The following SNAP29 variants were observed in gnomAD, a reference collection of about 807,000 sequenced individuals.
SNAP29 encodes synaptosome associated protein 29, also known as synaptosomal-associated protein 29.
A neutral mutation model predicts 27.9 loss-of-function variants in SNAP29; 13 were observed. The observed-to-expected ratio is 0.47, with a 90% CI of 0.30 to 0.74. The LOEUF (loss-of-function observed/expected upper bound fraction) is 0.74. SNAP29 is among the 30% of genes least tolerant of loss of function. SNAP29 has a pLI of 0.06. For synonymous variants in SNAP29, 119 were observed against 127.1 expected, an observed-to-expected ratio of 0.94 and a Z score of 0.43; for missense variants, 368 against 336.5, an observed-to-expected ratio of 1.09 and a Z score of -0.73.
chr22:20,882,308 G>A (rs1478176678), intron 3 of SNAP29, among the ~76,000 whole-genome samples: 2 of 151,688 alleles, frequency 1.3e-5, no homozygotes, highest in Non-Finnish European at 2.9e-5. Context: ...TGGACAAGGT[G>A]TGCAAGACAG....
intron 1 of SNAP29, among the ~76,000 whole-genome samples, chr22:20,865,970 T>C (rs1928448951): frequency 6.6e-6 from 1 of 152,240 alleles, no homozygotes; most frequent in Non-Finnish European, 1.5e-5. Context: ...TGATAACGTG[T>C]AGCCCAAGGC....
chr22:20,859,690 CCGTTT>C, intron 1 of SNAP29: 1 of 353,212 alleles, frequency 2.8e-6, no homozygotes, highest in South Asian at 3.1e-5. Flanking sequence ...AATGGAGAGT[CCGTTT>C]CTTCGACATT....
At chr22:20,883,360 A>C (rs1378586190) in intron 3 of SNAP29, 111 bp from the exon 4 acceptor site, 3 of 752,056 alleles carry the variant, frequency 4.0e-6, no homozygotes, top group African/African-American at 3.4e-5. Flanking sequence ...CTCAGAACCA[A>C]CCCCTTCGTT....
At chr22:20,874,307 GACACACACAGAC>G (rs1370492309) in intron 2 of SNAP29, among the ~76,000 whole-genome samples, 50 of 117,686 alleles carry the variant, frequency 4.2e-4, no homozygotes, top group African/African-American at 1.7e-3. Context: ...GACACACACA[GACACACACAGAC>G]ACACACACAC....
rs1928898539 is a variant in SNAP29, at chr22:20,881,797, C to T, written c.520+663C>T. The stretch of plus-strand genomic sequence containing the variant: ...TAAAAAGCCAACTGCAGAAAAACCC[C>T]TTGGTAAATAGAATACTGGCCCCTC... On this transcript the variant is annotated intron_variant, in intron 3 of 4. Coordinates refer to ENST00000215730, the MANE Select transcript of SNAP29 (RefSeq NM_004782.4). 2.6e-5 allele frequency among the ~76,000 whole-genome samples: 4 copies of T among 152,206 alleles called. No individual in the cohort carries two copies. In the South Asian group the frequency reaches 8.3e-4, roughly 31 times the overall value.
At chr22:20,877,471 G>A (rs943705502) in intron 2 of SNAP29, among the ~76,000 whole-genome samples, 34 of 152,108 alleles carry the variant, frequency 2.2e-4, no homozygotes, top group African/African-American at 7.9e-4. Flanking sequence ...CAGGAGAATC[G>A]CTTGAACCAG....
At position 20,877,718 on chromosome 22, in the gene SNAP29, A is replaced by AAAAAG. The variant is rs1452672826; in HGVS notation, c.435-3326_435-3322dup. ...GAGACAGAGCTAGACTCCGTCTCAA[A>AAAAAG]AAAAGAAAAAGAAAAAAATTGGCTT... On this transcript the variant is annotated intron_variant, in intron 2 of 4. Transcript: ENST00000215730. Among the ~76,000 whole-genome samples, 21 of 152,308 alleles carry AAAAAG rather than the reference A, an allele frequency of 1.4e-4. No individual in the cohort carries two copies. The East Asian group carries it at 2.9e-3, about 21-fold the overall frequency.
chr22:20,873,630 A>G (rs1569117680), intron 2 of SNAP29, among the ~76,000 whole-genome samples: 1 of 151,714 alleles, frequency 6.6e-6, no homozygotes, highest in East Asian at 2.0e-4. Context: ...GGATCACTTG[A>G]TCCCAGCCTG....
At chr22:20,871,919 G>C (rs931217930) in intron 2 of SNAP29, among the ~76,000 whole-genome samples, 10 of 152,030 alleles carry the variant, frequency 6.6e-5, no homozygotes, top group Non-Finnish European at 1.3e-4. Context: ...GTAGACTTCA[G>C]TGTTACATGT....
chr22:20,888,430 C>A lies in SNAP29; in HGVS notation c.*594C>A. On this transcript the variant is annotated 3_prime_UTR_variant, in exon 5 of 5. Transcript: ENST00000215730. Reference sequence around the variant, plus strand: ...GTGTTAGAATGGGAAATAGAGTGTGCCATCTTGCTCTTTTGTTGGCAGATG... The same window carrying A: ...GTGTTAGAATGGGAAATAGAGTGTGACATCTTGCTCTTTTGTTGGCAGATG... The A allele has an allele frequency of 6.0e-6, 1 of 167,668 alleles. No homozygotes were observed. Among genetic ancestry groups the A allele is most frequent in the Non-Finnish European group, 1.3e-5 (1 of 77,442 alleles). The allele number at this position is 167,668 out of a possible 1,614,324, so 10.4% of individuals were successfully genotyped here.
intron 2 of SNAP29, among the ~76,000 whole-genome samples, chr22:20,876,773 T>C (rs1928756592): frequency 6.6e-6 from 1 of 152,124 alleles, no homozygotes; most frequent in Admixed American, 6.6e-5. Context: ...GGTTTCACCA[T>C]GTTAGCCAGG....
chr22:20,880,918 G>T, intron 2 of SNAP29, 131 bp from the exon 3 acceptor site: 1 of 666,572 alleles, frequency 1.5e-6, no homozygotes, highest in Non-Finnish European at 2.7e-6. Context: ...CCCTACTTTG[G>T]TCAGAAGGAG....
Position 20,870,503 on chromosome 22 carries a change from A to G in SNAP29, c.404A>G (p.Asn135Ser). 6.2e-7 allele frequency: 1 copy of G among 1,614,134 alleles called. No individual in the cohort carries two copies. The highest frequency in any genetic ancestry group is 1.3e-5 in the African/African-American group (1 of 75,032). The change falls in exon 2 of 5, where the codon AAT becomes AGT. Residue 135 changes from asparagine (N) to serine (S), a missense_variant. Physicochemically the swap from Asn to Ser is conservative, Grantham distance 46 (BLOSUM62 1). Coordinates refer to ENST00000215730, the MANE Select transcript of SNAP29 (RefSeq NM_004782.4). ...CCAGTAGAGACCCCACCTGAACAGA[A>G]TGGCACCCTCACCTCCCAGCCCAAC... ...SKPVETPPEQ[N>S]GTLTSQPNNR...
chr22:20,889,971 A>G lies in SNAP29; in HGVS notation c.*2135A>G. 3.4e-6 allele frequency: 1 copy of G among 295,200 alleles called. No homozygotes were observed. Among genetic ancestry groups the G allele is most frequent in the Non-Finnish European group, 6.2e-6 (1 of 161,640 alleles). 18.3% of individuals were successfully genotyped at this position (295,200 alleles called of 1,614,324 possible). On this transcript the variant is annotated 3_prime_UTR_variant, in exon 5 of 5. Transcript: ENST00000215730. Reference sequence around the variant, plus strand: ...GGTTTTTTTTTTCTTAACCCCAGGTATATGGAAGGGGAGTTGCCTTCACTT... The same window carrying G: ...GGTTTTTTTTTTCTTAACCCCAGGTGTATGGAAGGGGAGTTGCCTTCACTT...
At chr22:20,880,375 A>T (rs114363774) in intron 2 of SNAP29, among the ~76,000 whole-genome samples, 1 of 151,900 alleles carries the variant, frequency 6.6e-6, no homozygotes, top group Non-Finnish European at 1.5e-5. Flanking sequence ...GCACCTGCCT[A>T]TAACTGTAAT....
chr22:20,878,569 C>G (rs1601652245), intron 2 of SNAP29, among the ~76,000 whole-genome samples: 1 of 151,410 alleles, frequency 6.6e-6, no homozygotes, highest in Non-Finnish European at 1.5e-5. Flanking sequence ...CAGAGCGAGA[C>G]TATGTCTCAA....
At position 20,889,997 on chromosome 22, in the gene SNAP29, T is replaced by C. The variant is rs1421265406; in HGVS notation, c.*2161T>C. On this transcript the variant is annotated 3_prime_UTR_variant, in exon 5 of 5. Coordinates refer to ENST00000215730, the MANE Select transcript of SNAP29 (RefSeq NM_004782.4). Reference sequence around the variant, plus strand: ...TATGGAAGGGGAGTTGCCTTCACTTTTCTGGAAATTTGTCTTCGTCTGACA... The same window carrying C: ...TATGGAAGGGGAGTTGCCTTCACTTCTCTGGAAATTTGTCTTCGTCTGACA... 5.8e-6 allele frequency: 2 copies of C among 342,836 alleles called. No individual in the cohort carries two copies. Among genetic ancestry groups the C allele is most frequent in the African/African-American group, 4.2e-5 (2 of 47,538 alleles). 21.2% of individuals were successfully genotyped at this position (342,836 alleles called of 1,614,324 possible). A position where few individuals can be genotyped will look rare whatever the true frequency, so the allele number is the denominator to read the frequency against.
chr22:20,888,204 A>G lies in SNAP29; in HGVS notation c.*368A>G, dbSNP rs1159319718. 1.2e-5 allele frequency: 4 copies of G among 344,924 alleles called. No individual in the cohort carries two copies. Among genetic ancestry groups the G allele is most frequent in the Non-Finnish European group, 2.2e-5 (4 of 179,086 alleles). 21.4% of individuals were successfully genotyped at this position (344,924 alleles called of 1,614,324 possible). A position where few individuals can be genotyped will look rare whatever the true frequency, so the allele number is the denominator to read the frequency against. The stretch of plus-strand genomic sequence containing the variant: ...TTCAGTCTTGCAGCCATGAGCCTCT[A>G]TTTCTCATTCCTAAGCCTTACCATG... On this transcript the variant is annotated 3_prime_UTR_variant, in exon 5 of 5. Transcript: ENST00000215730.
intron 1 of SNAP29, among the ~76,000 whole-genome samples, chr22:20,869,423 A>G (rs1374528927): frequency 6.6e-6 from 1 of 152,184 alleles, no homozygotes; most frequent in Non-Finnish European, 1.5e-5. Flanking sequence ...GATGGAAAAC[A>G]TTACAGGCGG....
Sources: gnomAD v4.1 joint callset for allele counts (sites outside exome capture counted in the v4.1 genomes callset) on GRCh38, gnomAD v4.1.1 for gene constraint, MANE v1.5 for transcripts, NCBI Gene and HGNC (gene_info 2026-07-23, HGNC 2026-07-21) for gene names.